The following SLC26A5 variants were observed in gnomAD, a reference collection of about 807,000 sequenced individuals.
The protein encoded by SLC26A5 is solute carrier family 26 member 5.
SLC26A5 carries 51 observed loss-of-function variants against 81.0 expected under a neutral mutation model. The ratio of observed to expected loss-of-function variants is 0.63; its 90% CI spans 0.50 to 0.80. The LOEUF is 0.80. Among genes scored for constraint, SLC26A5 ranks in the 30% least tolerant of loss-of-function variants. The pLI is 0.00. For missense variants in SLC26A5, 771 were observed against 905.8 expected (o/e 0.85, Z 1.91); for synonymous variants, 325 against 332.8 (o/e 0.98, Z 0.25).
chr7:103,390,556 A>G, intron 11 of SLC26A5, 50 bp from the exon 12 acceptor site: 1 of 1,454,458 alleles, frequency 6.9e-7, no homozygotes, highest in Non-Finnish European at 9.7e-7. Flanking sequence ...CTTGAATAAG[A>G]GGCAGGGCAT....
intron 14 of SLC26A5, 171 bp downstream of exon 14, chr7:103,388,837 G>T (rs1822413906): frequency 3.3e-6 from 2 of 612,026 alleles, no homozygotes; most frequent in South Asian, 3.1e-5. Context: ...TTTTAAATTG[G>T]CATTTTGTTC....
At chr7:103,404,304 T>C (rs1238949812) in intron 8 of SLC26A5, among the ~76,000 whole-genome samples, 1 of 152,212 alleles carries the variant, frequency 6.6e-6, no homozygotes, top group Non-Finnish European at 1.5e-5. Flanking sequence ...TTTTCATTTG[T>C]TTTTGCAGTG....
intron 2 of SLC26A5, among the ~76,000 whole-genome samples, chr7:103,429,135 T>G (rs902099217): frequency 6.6e-6 from 1 of 152,222 alleles, no homozygotes; most frequent in Non-Finnish European, 1.5e-5. Context: ...GTGCTTAAAC[T>G]AGCTAGAATG....
chr7:103,409,801 G>A (rs533148727), intron 7 of SLC26A5, among the ~76,000 whole-genome samples: 18 of 151,802 alleles, frequency 1.2e-4, no homozygotes, highest in African/African-American at 3.6e-4. Flanking sequence ...TCCACCTCCC[G>A]GGTTCACGCC....
chr7:103,368,764 AT>A (rs1405302742), intron 19 of SLC26A5: 3 of 152,352 alleles, frequency 2.0e-5, no homozygotes, highest in South Asian at 4.1e-4. Flanking sequence ...AGAAAAAAAA[AT>A]ATTTGTACAT....
At chr7:103,392,052 C>T (rs1203785009) in intron 10 of SLC26A5, among the ~76,000 whole-genome samples, 1 of 152,196 alleles carries the variant, frequency 6.6e-6, no homozygotes, top group Non-Finnish European at 1.5e-5. Flanking sequence ...ATTTTTACTG[C>T]TGAAGAGAAA....
chr7:103,418,164 A>C (rs1364960318), intron 4 of SLC26A5, among the ~76,000 whole-genome samples: 1 of 152,152 alleles, frequency 6.6e-6, no homozygotes, highest in Non-Finnish European at 1.5e-5. Flanking sequence ...CATCAGCCTT[A>C]AAGTTGTTGT....
At chr7:103,439,178 A>G (rs1216358336) in intron 2 of SLC26A5, among the ~76,000 whole-genome samples, 1 of 152,198 alleles carries the variant, frequency 6.6e-6, no homozygotes, top group Non-Finnish European at 1.5e-5. Context: ...TCAGGGCAAC[A>G]AGGAGAAAGG....
intron 19 of SLC26A5, chr7:103,362,401 G>A: frequency 7.5e-7 from 1 of 1,335,384 alleles, no homozygotes; most frequent in Non-Finnish European, 9.6e-7. Flanking sequence ...GTGATGCTAA[G>A]TGTGTTAATG....
intron 13 of SLC26A5, 81 bp downstream of exon 13, chr7:103,389,243 ATTAAT>A: frequency 8.1e-7 from 1 of 1,239,152 alleles, no homozygotes; most frequent in Non-Finnish European, 1.2e-6. Context: ...TAACAACTGC[ATTAAT>A]TTATCTTTCT....
intron 9 of SLC26A5, among the ~76,000 whole-genome samples, chr7:103,394,727 A>G (rs1023597589): frequency 2.6e-5 from 4 of 152,154 alleles, no homozygotes; most frequent in African/African-American, 9.7e-5. Context: ...GCCACCAGTC[A>G]TTCCTCCCAT....
chr7:103,353,341 C>T (rs990733210), intron 19 of SLC26A5, among the ~76,000 whole-genome samples: 14 of 152,094 alleles, frequency 9.2e-5, no homozygotes, highest in Admixed American at 5.2e-4. Flanking sequence ...GAGTCTCTCT[C>T]GGTCACCCAG....
intron 4 of SLC26A5, among the ~76,000 whole-genome samples, chr7:103,414,482 G>A (rs1489220683): frequency 6.6e-6 from 1 of 152,072 alleles, no homozygotes; most frequent in African/African-American, 2.4e-5. Context: ...TGGCCAGTTT[G>A]GCCTTTTTTA....
intron 14 of SLC26A5, 70 bp downstream of exon 14, chr7:103,388,938 G>T: frequency 2.7e-6 from 3 of 1,127,872 alleles, no homozygotes; most frequent in Non-Finnish European, 4.0e-6. Flanking sequence ...CTTAAACTTT[G>T]GTCTACACCT....
At chr7:103,369,707 A>G (rs1471550962), downstream of SLC26A5, among the ~76,000 whole-genome samples, 4 of 152,232 alleles carry the variant, frequency 2.6e-5, no homozygotes, top group Non-Finnish European at 5.9e-5. Context: ...ATGTGTCTAT[A>G]TACATGTGTG....
Position 103,353,829 on chromosome 7 carries a change from T to G in SLC26A5, c.2042-903A>C, listed in dbSNP as rs903435211. 5.4e-5 allele frequency: 59 copies of G among 1,093,996 alleles called. No individual in the cohort carries two copies. In the African/African-American group the frequency reaches 7.3e-4, roughly 14 times the overall value. The allele number at this position is 1,093,996 out of a possible 1,614,324, so 67.8% of individuals were successfully genotyped here. ...TTTTTGACACTCACTTAAAACAATT[T>G]GAATCGAACAGAAAAAAAGCTCTAG... is the stretch of plus-strand genomic sequence containing the variant. On this transcript the variant is annotated intron_variant, in intron 19 of 19. Transcript: ENST00000339444.
Position 103,378,500 on chromosome 7 carries a change from C to A in SLC26A5, c.1731G>T (p.Lys577Asn), listed in dbSNP as rs935917045. 1 of 1,614,180 alleles carries A rather than the reference C, an allele frequency of 6.2e-7. No individual in the cohort carries two copies. Among genetic ancestry groups the A allele is most frequent in the Non-Finnish European group, 8.5e-7 (1 of 1,180,020 alleles). ...TTGCATTTCCGACTTCCTTAGCGTA[C>A]TTCCGCATGGCCTTTCTCCTTGCTC... is the stretch of plus-strand genomic sequence containing the variant. ...IMGARRKAMR[K>N]YAKEVGNANM... is the part of the protein sequence containing the mutation. The change falls in exon 17 of 20, where the codon AAG becomes AAT. Residue 577 changes from lysine to asparagine, a missense_variant. Transcript: ENST00000306312.
Position 103,421,562 on chromosome 7 carries a change from G to C in SLC26A5, c.-48C>G. The C allele has an allele frequency of 4.4e-6, 7 of 1,595,150 alleles. No homozygotes were observed. The highest frequency in any genetic ancestry group is 6.0e-6 in the Non-Finnish European group (7 of 1,164,374). On this transcript the variant is annotated 5_prime_UTR_variant, in exon 3 of 20. Transcript: ENST00000306312. Reference sequence around the variant, plus strand: ...ACAGCCGGAGACAAGCATTTCCTGAGTGTCACTAGGGGAAAAAAGAAAAAC... The same window carrying C: ...ACAGCCGGAGACAAGCATTTCCTGACTGTCACTAGGGGAAAAAAGAAAAAC...
rs776513034 is a variant in SLC26A5 at position 103,397,947 on chromosome 7, C to T, written c.956G>A (p.Gly319Glu). Residue 319 changes from glycine (G) to glutamate (E), a missense_variant, in exon 9 of 20, where the codon GGA (glycine) becomes GAA (glutamate). Transcript: ENST00000306312. Reference sequence around the variant, plus strand: ...ACTTTCCTACCCTAGAGGAAGTGTTCCAACGACATCCACATTGTATGATTC... The same window carrying T: ...ACTTTCCTACCCTAGAGGAAGTGTTTCAACGACATCCACATTGTATGATTC... ...LKESYNVDVV[G>E]TLPLGLLPPA... The T allele has an allele frequency of 7.4e-6, 12 of 1,613,752 alleles. No homozygotes were observed. Among genetic ancestry groups the T allele is most frequent in the South Asian group, 1.1e-5 (1 of 91,070 alleles).
Sources: allele counts gnomAD v4.1 joint callset (sites outside exome capture counted in the v4.1 genomes callset), GRCh38; gene constraint gnomAD v4.1.1; transcripts MANE v1.5; gene names NCBI Gene and HGNC (gene_info 2026-07-23, HGNC 2026-07-21).